The following GFOD2 variants were observed in gnomAD, a reference collection of about 807,000 sequenced individuals.
GFOD2 encodes Gfo/Idh/MocA-like oxidoreductase domain containing 2.
A neutral mutation model predicts 24.6 loss-of-function variants in GFOD2; 9 were observed. That is an observed-to-expected ratio of 0.37 (90% CI 0.22 to 0.64). The LOEUF is 0.64. GFOD2 is among the 30% of genes least tolerant of loss of function. The pLI, the probability that GFOD2 is intolerant of heterozygous loss-of-function variation, is 0.65. For synonymous variants in GFOD2, 211 were observed against 224.8 expected (o/e 0.94, Z 0.55); for missense variants, 476 against 532.5 (o/e 0.89, Z 1.04).
rs369890888 is a variant in GFOD2, at chr16:67,685,614, C to G, written c.102G>C (p.Trp34Cys). The G allele has an allele frequency of 1.2e-4, 191 of 1,614,054 alleles. No individual in the cohort carries two copies. The highest frequency in any genetic ancestry group is 3.2e-4 in the Admixed American group (19 of 59,994). ...RAEGFTVEAL[W>C]GKTEEEAKQL... ...GCTTCGCCTCCTCCTCAGTCTTCCC[C>G]CACAGGGCCTCAACAGTGAACCCTT... The change falls in exon 2 of 3, where the codon TGG becomes TGC. Residue 34 changes from tryptophan to cysteine, a missense_variant. Coordinates refer to ENST00000268797, the MANE Select transcript of GFOD2 (RefSeq NM_030819.4).
At chr16:67,699,415 C>A (rs2053383336) in intron 1 of GFOD2, among the ~76,000 whole-genome samples, 1 of 151,752 alleles carries the variant, frequency 6.6e-6, no homozygotes, top group Admixed American at 6.6e-5. Flanking sequence ...GGGTTTAATC[C>A]CAGGAATGCA....
At chr16:67,690,386 C>A (rs1259692751) in intron 1 of GFOD2, among the ~76,000 whole-genome samples, 1 of 151,312 alleles carries the variant, frequency 6.6e-6, no homozygotes, top group East Asian at 1.9e-4. Context: ...TGTGAGGTGA[C>A]CATTATTCAC....
At chr16:67,679,533 T>G (rs1044841296) in intron 2 of GFOD2, among the ~76,000 whole-genome samples, 6 of 152,146 alleles carry the variant, frequency 3.9e-5, no homozygotes, top group Admixed American at 1.3e-4. Context: ...CGGCCCCAGG[T>G]AAATAATTTC....
intron 1 of GFOD2, among the ~76,000 whole-genome samples, chr16:67,700,291 C>A (rs570601576): frequency 1.8e-4 from 28 of 151,986 alleles, no homozygotes; most frequent in Non-Finnish European, 2.4e-4. Context: ...AGGAGAACTG[C>A]TTGAACCCGG....
rs566609177 is a variant in GFOD2 at position 67,699,252 on chromosome 16, G to A, written c.-87-13450C>T. On this transcript the variant is annotated intron_variant, in intron 1 of 2. Coordinates refer to ENST00000268797, the MANE Select transcript of GFOD2 (RefSeq NM_030819.4). Reference sequence around the variant, plus strand: ...AGCTACCCAGGAGGCTGAGGCAGCAGAATCGCTGGAACCAAAGAGGCAGAG... The same window carrying A: ...AGCTACCCAGGAGGCTGAGGCAGCAAAATCGCTGGAACCAAAGAGGCAGAG... Among the ~76,000 whole-genome samples, 6 of 152,178 alleles carry A rather than the reference G, an allele frequency of 3.9e-5. No individual in the cohort carries two copies. In the South Asian group the frequency reaches 6.2e-4, roughly 16 times the overall value.
At chr16:67,700,972 G>T (rs140928401) in intron 1 of GFOD2, among the ~76,000 whole-genome samples, 4,318 of 150,900 alleles carry the variant, frequency 0.029, 91 homozygotes, top group Middle Eastern at 0.14. Context: ...AGGAGGCGGA[G>T]GTTGTAGTGA....
At chr16:67,681,601 G>A (rs963012935) in intron 2 of GFOD2, 3 of 571,104 alleles carry the variant, frequency 5.3e-6, no homozygotes, top group African/African-American at 4.1e-5. Context: ...GTAGAGATGG[G>A]ATTTCATCAT....
Position 67,691,517 on chromosome 16 carries a change from CAAA to C in GFOD2, c.-87-5718_-87-5716del, listed in dbSNP as rs571514888. Among the ~76,000 whole-genome samples, 667 of 139,936 alleles carry C rather than the reference CAAA, an allele frequency of 4.8e-3. 7 individuals are homozygous for C. Among genetic ancestry groups the C allele is most frequent in the African/African-American group, 0.017 (623 of 36,144 alleles). The allele number at this position is 139,936 out of a possible 152,430, so 91.8% of individuals were successfully genotyped here. A position where few individuals can be genotyped will look rare whatever the true frequency, so the allele number is the denominator to read the frequency against. ...GTCACACTGTGCCTAGACCCCCCCC[CAAA>C]AAAAAAAAAATTAAGACTCTGCGGC... On this transcript the variant is annotated intron_variant, in intron 1 of 2. Coordinates refer to ENST00000268797, the MANE Select transcript of GFOD2 (RefSeq NM_030819.4).
At chr16:67,681,971 G>C in intron 2 of GFOD2, 1 of 750,640 alleles carries the variant, frequency 1.3e-6, no homozygotes, top group Non-Finnish European at 1.6e-6. Context: ...CCTGAGGTTA[G>C]GAGTTCGAAA....
At chr16:67,686,700 G>T (rs1453549996) in intron 1 of GFOD2, among the ~76,000 whole-genome samples, 1 of 152,010 alleles carries the variant, frequency 6.6e-6, no homozygotes, top group Admixed American at 6.6e-5. Flanking sequence ...GCCAGGTGTG[G>T]TGGCAGATGC....
At chr16:67,701,219 A>G (rs2053400509) in intron 1 of GFOD2, among the ~76,000 whole-genome samples, 1 of 152,154 alleles carries the variant, frequency 6.6e-6, no homozygotes, top group South Asian at 2.1e-4. Context: ...CTAAATAGAT[A>G]CCTATCACAC....
chr16:67,699,961 G>A (rs2053389848), intron 1 of GFOD2, among the ~76,000 whole-genome samples: 1 of 152,078 alleles, frequency 6.6e-6, no homozygotes, highest in Non-Finnish European at 1.5e-5. Flanking sequence ...CACACCTGTG[G>A]CTACTCAGGA....
chr16:67,708,318 T>C lies in GFOD2; in HGVS notation c.-88+10845A>G, dbSNP rs182768739. The stretch of plus-strand genomic sequence containing the variant: ...AACAAAAAAACCTGTAAGCTTACTT[T>C]TGGGGACATCATCGGTACAGGCTGG... On this transcript the variant is annotated intron_variant, in intron 1 of 2. Coordinates refer to ENST00000268797, the MANE Select transcript of GFOD2 (RefSeq NM_030819.4). Among the ~76,000 whole-genome samples, 196 of 152,338 alleles carry C rather than the reference T, an allele frequency of 1.3e-3. 3 individuals are homozygous for C. The highest frequency in any genetic ancestry group is 0.013 in the Admixed American group (196 of 15,300).
rs1283150257 is a variant in GFOD2, at chr16:67,674,792, C to T, written c.*363G>A. 9.5e-6 allele frequency: 2 copies of T among 211,566 alleles called. No homozygotes were observed. The highest frequency in any genetic ancestry group is 1.9e-5 in the Non-Finnish European group (2 of 106,238). The allele number at this position is 211,566 out of a possible 1,614,324, so 13.1% of individuals were successfully genotyped here. On this transcript the variant is annotated 3_prime_UTR_variant, in exon 3 of 3. Transcript: ENST00000268797. ...AACAAAACTTCTCATCATTTCTCCTCAGGCCTCAGCCGAGCTGGCCCCTCT... is the reference window on the plus strand; with the variant it reads ...AACAAAACTTCTCATCATTTCTCCTTAGGCCTCAGCCGAGCTGGCCCCTCT...
rs1368523098 is a variant in GFOD2, at chr16:67,719,216, G to A, written c.-141C>T. ...CTGCACTGGAAACCATGGGTCCGAC[G>A]GGGTCTCGGGGGCCACCCATCCGCC... On this transcript the variant is annotated 5_prime_UTR_variant, in exon 1 of 3. Coordinates refer to ENST00000268797, the MANE Select transcript of GFOD2 (RefSeq NM_030819.4). 6.6e-6 allele frequency: 1 copy of A among 152,210 alleles called. No individual in the cohort carries two copies. The highest frequency in any genetic ancestry group is 1.5e-5 in the Non-Finnish European group (1 of 68,038). 9.4% of individuals were successfully genotyped at this position (152,210 alleles called of 1,614,324 possible).
chr16:67,695,732 C>T (rs1434901896), intron 1 of GFOD2, among the ~76,000 whole-genome samples: 3 of 150,120 alleles, frequency 2.0e-5, no homozygotes, highest in Non-Finnish European at 4.5e-5. Flanking sequence ...GACAGGGTTT[C>T]ACTATATTGG....
chr16:67,712,403 AGCCTGCCGAGT>A (rs1163968770), intron 1 of GFOD2, among the ~76,000 whole-genome samples: 1 of 137,560 alleles, frequency 7.3e-6, no homozygotes, highest in African/African-American at 2.8e-5. Context: ...CTCCTGCCTC[AGCCTGCCGAGT>A]GCCTGCGATT....
intron 2 of GFOD2, chr16:67,685,195 C>T: frequency 1.4e-6 from 2 of 1,408,884 alleles, no homozygotes; most frequent in Non-Finnish European, 1.8e-6. Context: ...GACTGAGATG[C>T]AACCATCTCC....
chr16:67,688,887 C>G (rs528239831), intron 1 of GFOD2, among the ~76,000 whole-genome samples: 11 of 151,498 alleles, frequency 7.3e-5, no homozygotes, highest in East Asian at 1.9e-4. Flanking sequence ...GACGCCCCCC[C>G]ACCATGCCCA....
Sources: gnomAD v4.1 joint callset for allele counts (sites outside exome capture counted in the v4.1 genomes callset) on GRCh38, gnomAD v4.1.1 for gene constraint, MANE v1.5 for transcripts, NCBI Gene and HGNC (gene_info 2026-07-23, HGNC 2026-07-21) for gene names.